Variants in ZDHHC3 observed in about 807,000 individuals in gnomAD.
The protein encoded by ZDHHC3 is palmitoyltransferase ZDHHC3.
Under a neutral mutation model 30.6 loss-of-function variants are expected in ZDHHC3, and 9 were observed. The observed-to-expected ratio is 0.29, with a 90% CI of 0.18 to 0.51. The LOEUF (loss-of-function observed/expected upper bound fraction) is 0.51. ZDHHC3 is among the 20% of genes least tolerant of loss of function. The pLI, the probability that ZDHHC3 is intolerant of heterozygous loss-of-function variation, is 0.97. For missense variants in ZDHHC3, 246 were observed against 384.2 expected (o/e 0.64, Z 3.01); for synonymous variants, 136 against 140.2 (o/e 0.97, Z 0.21).
chr3:44,959,073 A>C lies in ZDHHC3; in HGVS notation c.306+58T>G, dbSNP rs931166045. 3 of 1,584,086 alleles carry C rather than the reference A, an allele frequency of 1.9e-6. No individual in the cohort carries two copies. The highest frequency in any genetic ancestry group is 2.7e-5 in the African/African-American group (2 of 74,374). On this transcript the variant is annotated intron_variant, in intron 2 of 6. Transcript: ENST00000424952. This position sits in a 1 kb window ranked among gnomAD's most constrained non-coding sequence, Gnocchi z 4.3. ...CAGGGGGAACATGCAGGCTGTGGCC[A>C]TGCCAGAGCCAGAGGAGGAGAGTGT...
Position 44,925,329 on chromosome 3 carries a change from C to G in ZDHHC3, c.*1360G>C, listed in dbSNP as rs185071730. ...TTGAATAAACCTTAACTCCTACCCC[C>G]ACCCCAAGCAAAAGCTAAAAAAGGG... On this transcript the variant is annotated 3_prime_UTR_variant, in exon 7 of 7. Coordinates refer to ENST00000424952, the MANE Select transcript of ZDHHC3 (RefSeq NM_001135179.2). 1.0e-6 allele frequency: 1 copy of G among 985,864 alleles called. No homozygotes were observed. The allele number at this position is 985,864 out of a possible 1,614,324, so 61.1% of individuals were successfully genotyped here.
In ZDHHC3 at chr3:44,917,713, G is replaced by A. The variant is rs568889979; in HGVS notation, c.*8976C>T. Reference sequence around the variant, plus strand: ...CCTCTGATGTCCCCAGCCTACTCCCGACCCCCAGACCTGGCCCAACATGGA... The same window carrying A: ...CCTCTGATGTCCCCAGCCTACTCCCAACCCCCAGACCTGGCCCAACATGGA... On this transcript the variant is annotated 3_prime_UTR_variant, in exon 7 of 7. Coordinates refer to ENST00000424952, the MANE Select transcript of ZDHHC3 (RefSeq NM_001135179.2). The A allele has an allele frequency of 1.3e-5, 8 of 619,596 alleles. No individual in the cohort carries two copies. Among genetic ancestry groups the A allele is most frequent in the African/African-American group, 1.9e-5 (1 of 51,692 alleles). 38.4% of individuals were successfully genotyped at this position (619,596 alleles called of 1,614,324 possible). A position where few individuals can be genotyped will look rare whatever the true frequency, so the allele number is the denominator to read the frequency against.
At chr3:44,967,783 T>G (rs1004822439) in intron 1 of ZDHHC3, among the ~76,000 whole-genome samples, 1 of 152,232 alleles carries the variant, frequency 6.6e-6, no homozygotes, top group Non-Finnish European at 1.5e-5. Flanking sequence ...TGGTAGATTT[T>G]AGTCAAATTT....
At chr3:44,934,073 A>T (rs1200511516) in intron 3 of ZDHHC3, 89 bp from the exon 4 acceptor site, 14 of 1,277,640 alleles carry the variant, frequency 1.1e-5, no homozygotes, top group Non-Finnish European at 1.4e-5. Context: ...CTCCTGCTCC[A>T]CTCCTCTGAA....
At chr3:44,964,754 C>T (rs953221440) in intron 1 of ZDHHC3, among the ~76,000 whole-genome samples, 3 of 152,186 alleles carry the variant, frequency 2.0e-5, no homozygotes, top group African/African-American at 7.2e-5. Flanking sequence ...TTCTGTTCCT[C>T]TAAGTGGCTA....
rs1407561563 is a variant in ZDHHC3 at position 44,921,408 on chromosome 3, T to C, written c.*5281A>G. On this transcript the variant is annotated 3_prime_UTR_variant, in exon 7 of 7. Transcript: ENST00000424952. ...CTCTCCTCATCAGAGATTTCATACCTCTATATTGTAACCCACAAGAGGAAA... is the reference window on the plus strand; with the variant it reads ...CTCTCCTCATCAGAGATTTCATACCCCTATATTGTAACCCACAAGAGGAAA... 1.0e-6 allele frequency: 1 copy of C among 985,306 alleles called. No individual in the cohort carries two copies. Among genetic ancestry groups the C allele is most frequent in the African/African-American group, 1.7e-5 (1 of 57,236 alleles). 61.0% of individuals were successfully genotyped at this position (985,306 alleles called of 1,614,324 possible). A position where few individuals can be genotyped will look rare whatever the true frequency, so the allele number is the denominator to read the frequency against.
chr3:44,967,202 A>G (rs1705031484), intron 1 of ZDHHC3, among the ~76,000 whole-genome samples: 1 of 152,272 alleles, frequency 6.6e-6, no homozygotes, highest in Non-Finnish European at 1.5e-5. Context: ...TTCTTGCCTC[A>G]TAACTGACCA....
In ZDHHC3 at chr3:44,917,274, T is replaced by TAA; in HGVS notation, c.*9414_*9415insTT. 1 of 159,358 alleles carries TAA rather than the reference T, an allele frequency of 6.3e-6. No homozygotes were observed. The highest frequency in any genetic ancestry group is 1.4e-5 in the Non-Finnish European group (1 of 71,730). The allele number at this position is 159,358 out of a possible 1,614,324, so 9.9% of individuals were successfully genotyped here. A position where few individuals can be genotyped will look rare whatever the true frequency, so the allele number is the denominator to read the frequency against. ...GTAGAGCTTAATGCAGGGTCCTCTT[T>TAA]GAACCATGCCTGGCCCTTGCAGGTA... On this transcript the variant is annotated 3_prime_UTR_variant, in exon 7 of 7. Transcript: ENST00000424952.
chr3:44,931,824 CCT>C (rs1701516915), intron 5 of ZDHHC3, among the ~76,000 whole-genome samples: 1 of 152,226 alleles, frequency 6.6e-6, no homozygotes, highest in Non-Finnish European at 1.5e-5. Flanking sequence ...ACTTGTTCAT[CCT>C]CTGTGAGCCA....
chr3:44,935,844 C>T (rs770230701), intron 3 of ZDHHC3, among the ~76,000 whole-genome samples: 13 of 152,162 alleles, frequency 8.5e-5, no homozygotes, highest in South Asian at 2.1e-4. Flanking sequence ...CCCTTCCTTA[C>T]ACCATATACA....
chr3:44,931,817 T>C (rs1356085165), intron 5 of ZDHHC3, among the ~76,000 whole-genome samples: 2 of 152,222 alleles, frequency 1.3e-5, no homozygotes, highest in South Asian at 2.1e-4. Flanking sequence ...CCTGGAAACT[T>C]GTTCATCCTC....
Position 44,972,215 on chromosome 3 carries a change from C to T in ZDHHC3, c.-25+3718G>A, listed in dbSNP as rs577990120. Among the ~76,000 whole-genome samples the T allele has an allele frequency of 6.6e-5, 10 of 152,306 alleles. No individual in the cohort carries two copies. In the South Asian group the frequency reaches 2.1e-3, roughly 32 times the overall value. Reference sequence around the variant, plus strand: ...TGGTGGCTCATGCCCATAATCACAGCACTTTGGGAGGCCAAGGCAGGCAGA... The same window carrying T: ...TGGTGGCTCATGCCCATAATCACAGTACTTTGGGAGGCCAAGGCAGGCAGA... On this transcript the variant is annotated intron_variant, in intron 1 of 6. Transcript: ENST00000424952.
chr3:44,932,757 T>C lies in ZDHHC3; in HGVS notation c.610+361A>G, dbSNP rs533210580. The C allele has an allele frequency of 1.6e-5, 11 of 700,084 alleles. No homozygotes were observed. In the East Asian group the frequency reaches 2.7e-4, roughly 17 times the overall value. The allele number at this position is 700,084 out of a possible 1,614,324, so 43.4% of individuals were successfully genotyped here. On this transcript the variant is annotated intron_variant, in intron 5 of 6. Coordinates refer to ENST00000424952, the MANE Select transcript of ZDHHC3 (RefSeq NM_001135179.2). ...AAGACTGGAATAAAATGATCTTTGATTTAAGTGCCTCATGGAAAGACAGAA... is the reference window on the plus strand; with the variant it reads ...AAGACTGGAATAAAATGATCTTTGACTTAAGTGCCTCATGGAAAGACAGAA...
chr3:44,972,625 C>T (rs1575970338), intron 1 of ZDHHC3, among the ~76,000 whole-genome samples: 2 of 152,172 alleles, frequency 1.3e-5, no homozygotes, highest in Non-Finnish European at 2.9e-5. Context: ...CAGCTCTTTA[C>T]CTTTTGTATT....
chr3:44,936,895 TG>T (rs1283316894), intron 3 of ZDHHC3, among the ~76,000 whole-genome samples: 1 of 147,624 alleles, frequency 6.8e-6, no homozygotes, highest in Non-Finnish European at 1.5e-5. Flanking sequence ...AAAACCTGCT[TG>T]AACGAAGGCA....
At chr3:44,932,530 C>G (rs888775695) in intron 5 of ZDHHC3, among the ~76,000 whole-genome samples, 1 of 152,228 alleles carries the variant, frequency 6.6e-6, no homozygotes, top group Admixed American at 6.5e-5. Context: ...CCTTCAGGAT[C>G]TGTGCAATCT....
At chr3:44,953,965 G>A (rs1703699593) in intron 2 of ZDHHC3, among the ~76,000 whole-genome samples, 1 of 152,192 alleles carries the variant, frequency 6.6e-6, no homozygotes, top group Non-Finnish European at 1.5e-5. Context: ...CCAACATCAT[G>A]CTGCCATGCT....
In ZDHHC3 at chr3:44,926,058, C is replaced by T; in HGVS notation, c.*631G>A. On this transcript the variant is annotated 3_prime_UTR_variant, in exon 7 of 7. Coordinates refer to ENST00000424952, the MANE Select transcript of ZDHHC3 (RefSeq NM_001135179.2). Reference sequence around the variant, plus strand: ...ACCTCTTTCATCTTTCTCCCCACTCCCCCGCAAAATCATTCTACACACCCC... The same window carrying T: ...ACCTCTTTCATCTTTCTCCCCACTCTCCCGCAAAATCATTCTACACACCCC... The T allele has an allele frequency of 1.0e-6, 1 of 985,836 alleles. No homozygotes were observed. The highest frequency in any genetic ancestry group is 1.2e-6 in the Non-Finnish European group (1 of 829,946). 61.1% of individuals were successfully genotyped at this position (985,836 alleles called of 1,614,324 possible). A position where few individuals can be genotyped will look rare whatever the true frequency, so the allele number is the denominator to read the frequency against.
At chr3:44,942,822 C>T (rs149306254) in intron 3 of ZDHHC3, among the ~76,000 whole-genome samples, 50 of 152,314 alleles carry the variant, frequency 3.3e-4, no homozygotes, top group East Asian at 2.1e-3. Context: ...GTGTAGCAAG[C>T]GACACAGCTG....
Sources: gnomAD v4.1 joint callset for allele counts (sites outside exome capture counted in the v4.1 genomes callset) on GRCh38, gnomAD v4.1.1 for gene constraint, Gnocchi (gnomAD v3.1) non-coding constraint, MANE v1.5 for transcripts, NCBI Gene and HGNC (gene_info 2026-07-23, HGNC 2026-07-21) for gene names.